SYT2: variants seen among roughly 807,000 people sequenced by gnomAD.
SYT2 encodes synaptotagmin 2.
Under a neutral mutation model 39.9 loss-of-function variants are expected in SYT2, and 15 were observed. That is an observed-to-expected ratio of 0.38 (90% confidence interval 0.25 to 0.58). SYT2 has a LOEUF of 0.58. Among genes scored for constraint, SYT2 ranks in the 20% least tolerant of loss-of-function variants. The pLI, the probability that SYT2 is intolerant of heterozygous loss-of-function variation, is 0.70. For missense variants in SYT2, 389 were observed against 530.3 expected (o/e 0.73, Z 2.62); for synonymous variants, 181 against 204.5 (o/e 0.89, Z 0.98).
Position 202,662,224 on chromosome 1 carries a change from T to G in SYT2, c.-18+48034A>C, listed in dbSNP as rs547748489. On this transcript the variant is annotated intron_variant, in intron 1 of 8. Coordinates refer to ENST00000367268, the MANE Select transcript of SYT2 (RefSeq NM_177402.5). ...AAAGACCAGGAAGCGGCAAGAGGCA[T>G]AGTGTATGCGAGTTGGCGGCAGAAT... Among the ~76,000 whole-genome samples the G allele has an allele frequency of 3.1e-4, 47 of 152,300 alleles. 1 individual carries two copies. The highest frequency in any genetic ancestry group is 7.8e-4 in the Admixed American group (12 of 15,302).
intron 1 of SYT2, among the ~76,000 whole-genome samples, chr1:202,684,219 C>A (rs941333640): frequency 2.6e-5 from 4 of 152,154 alleles, no homozygotes; most frequent in African/African-American, 9.7e-5. Flanking sequence ...GTATGATTAA[C>A]TGTAGTCTTC....
At chr1:202,602,942 C>T (rs1690565094) in intron 4 of SYT2, 57 bp downstream of exon 4, 2 of 1,587,192 alleles carry the variant, frequency 1.3e-6, no homozygotes, top group Non-Finnish European at 8.6e-7. Context: ...CCCCCTTCCA[C>T]CCAACTCCCA....
At chr1:202,691,928 T>A (rs1653847102) in intron 1 of SYT2, among the ~76,000 whole-genome samples, 1 of 151,988 alleles carries the variant, frequency 6.6e-6, no homozygotes, top group Admixed American at 6.5e-5. Flanking sequence ...GCTACAGGCA[T>A]ACAAGGACAC....
At chr1:202,609,849 T>C (rs1441840908) in intron 1 of SYT2, among the ~76,000 whole-genome samples, 1 of 152,228 alleles carries the variant, frequency 6.6e-6, no homozygotes, top group African/African-American at 2.4e-5. Context: ...CTGTTCACTC[T>C]GATGGTAGTG....
rs558650839 is a variant in SYT2, at chr1:202,622,061, C to A, written c.-17-16272G>T. 7.1e-4 allele frequency among the ~76,000 whole-genome samples: 108 copies of A among 152,332 alleles called. 2 individuals are homozygous for A. Among genetic ancestry groups the A allele is most frequent in the African/African-American group, 2.5e-3 (105 of 41,566 alleles). ...CTTGATTAATGCAGATAATGGAGAG[C>A]TGACTGGATACAGCTTACAGTATTT... On this transcript the variant is annotated intron_variant, in intron 1 of 8. Coordinates refer to ENST00000367268, the MANE Select transcript of SYT2 (RefSeq NM_177402.5).
In SYT2 at chr1:202,602,984, C is replaced by CA; in HGVS notation, c.465+14dup. On this transcript the variant is annotated intron_variant, in intron 4 of 8. Coordinates refer to ENST00000367268, the MANE Select transcript of SYT2 (RefSeq NM_177402.5). ...TCCCCATTCCCCCACTCTGCCCCCCCACAGCCCTGCATACCTGATTAGCCT... is the reference window on the plus strand; with the variant it reads ...TCCCCATTCCCCCACTCTGCCCCCCCAACAGCCCTGCATACCTGATTAGCCT... 1 of 1,571,972 alleles carries CA rather than the reference C, an allele frequency of 6.4e-7. No individual in the cohort carries two copies. The highest frequency in any genetic ancestry group is 8.6e-7 in the Non-Finnish European group (1 of 1,158,778).
At chr1:202,645,814 G>A (rs1692069537) in intron 1 of SYT2, among the ~76,000 whole-genome samples, 1 of 152,204 alleles carries the variant, frequency 6.6e-6, no homozygotes, top group Non-Finnish European at 1.5e-5. Context: ...CCAAAATGGG[G>A]GAGGATGGGA....
rs188978468 is a variant in SYT2 at position 202,641,725 on chromosome 1, T to C, written c.-17-35936A>G. Among the ~76,000 whole-genome samples, 668 of 152,352 alleles carry C rather than the reference T, an allele frequency of 4.4e-3. 5 individuals are homozygous for C. Among genetic ancestry groups the C allele is most frequent in the African/African-American group, 0.016 (646 of 41,576 alleles). On this transcript the variant is annotated intron_variant, in intron 1 of 8. Transcript: ENST00000367268. ...TCCTTCAGATCTTCCTTATCTGAGA[T>C]GAATGCAGCCCTGTCTGGAGGTAGA... is the stretch of plus-strand genomic sequence containing the variant.
intron 1 of SYT2, among the ~76,000 whole-genome samples, chr1:202,680,165 T>G (rs565534700): frequency 6.6e-6 from 1 of 152,338 alleles, no homozygotes; most frequent in South Asian, 2.1e-4. Flanking sequence ...TGCACTTAGT[T>G]GGGCCTCCAT....
chr1:202,658,331 T>G (rs1307872337), intron 1 of SYT2, among the ~76,000 whole-genome samples: 3 of 151,694 alleles, frequency 2.0e-5, no homozygotes, highest in Admixed American at 6.6e-5. Flanking sequence ...ATAACCAGAG[T>G]GTGCGGCAAG....
At chr1:202,694,449 G>T (rs1370982856) in intron 1 of SYT2, among the ~76,000 whole-genome samples, 1 of 152,194 alleles carries the variant, frequency 6.6e-6, no homozygotes, top group African/African-American at 2.4e-5. Flanking sequence ...TTTAGTAGGC[G>T]ATGCACAGAA....
chr1:202,667,246 C>T (rs1024874484), intron 1 of SYT2, among the ~76,000 whole-genome samples: 1 of 152,086 alleles, frequency 6.6e-6, no homozygotes, highest in Non-Finnish European at 1.5e-5. Flanking sequence ...GAATCTGGGG[C>T]CTTCTATTAA....
intron 1 of SYT2, among the ~76,000 whole-genome samples, chr1:202,674,487 T>G (rs558619242): frequency 1.3e-5 from 2 of 152,348 alleles, no homozygotes; most frequent in African/African-American, 2.4e-5. Context: ...TGTGAAAGTC[T>G]GTGTAATATG....
At chr1:202,669,453 C>T (rs1375650522) in intron 1 of SYT2, among the ~76,000 whole-genome samples, 1 of 152,012 alleles carries the variant, frequency 6.6e-6, no homozygotes, top group Non-Finnish European at 1.5e-5. Flanking sequence ...AGTTCAAGAC[C>T]AGTCTGGCCA....
intron 1 of SYT2, among the ~76,000 whole-genome samples, chr1:202,649,103 A>C (rs988039122): frequency 1.3e-5 from 2 of 152,254 alleles, no homozygotes; most frequent in African/African-American, 2.4e-5. Flanking sequence ...CAGAAGATTG[A>C]AAGCCTTGAC....
At position 202,623,279 on chromosome 1, in the gene SYT2, T is replaced by C. The variant is rs1288872246; in HGVS notation, c.-17-17490A>G. On this transcript the variant is annotated intron_variant, in intron 1 of 8. Coordinates refer to ENST00000367268, the MANE Select transcript of SYT2 (RefSeq NM_177402.5). The surrounding 1 kb of genome is among the most constrained non-coding windows in gnomAD (Gnocchi z 4.2). Reference sequence around the variant, plus strand: ...GTTAATACTGCAGCACGGCGCACTCTAGCCAAGACGGAGAAGCTGCTGAGT... The same window carrying C: ...GTTAATACTGCAGCACGGCGCACTCCAGCCAAGACGGAGAAGCTGCTGAGT... Among the ~76,000 whole-genome samples the C allele has an allele frequency of 6.6e-6, 1 of 152,236 alleles. No individual in the cohort carries two copies. Among genetic ancestry groups the C allele is most frequent in the African/African-American group, 2.4e-5 (1 of 41,466 alleles).
chr1:202,602,227 C>T (rs1459977055), intron 5 of SYT2, 151 bp downstream of exon 5: 17 of 1,129,574 alleles, frequency 1.5e-5, no homozygotes, highest in Middle Eastern at 3.0e-4. Flanking sequence ...GGAGGGATCC[C>T]GATCCTCCAT....
chr1:202,656,364 T>C (rs910103455), intron 1 of SYT2, among the ~76,000 whole-genome samples: 33 of 152,294 alleles, frequency 2.2e-4, no homozygotes, highest in Non-Finnish European at 4.0e-4. Context: ...TCTTCTTGAT[T>C]TTAGACTCAG....
rs745806917 is a variant in SYT2 at position 202,604,518 on chromosome 1, GTTC to G, written c.279_281del (p.Lys93del). On this transcript the variant is annotated inframe_deletion, in exon 3 of 9. Transcript: ENST00000367268. The stretch of plus-strand genomic sequence containing the variant: ...TCATGCCTTTGCCCTTCTCCTTCTT[GTTC>G]TTCTTCTTCTTGCAGCAGCATTTCT... 4.3e-5 allele frequency: 69 copies of G among 1,613,850 alleles called. No homozygotes were observed. The highest frequency in any genetic ancestry group is 1.7e-4 in the African/African-American group (13 of 74,976).
Sources: allele counts gnomAD v4.1 joint callset (sites outside exome capture counted in the v4.1 genomes callset), GRCh38; gene constraint gnomAD v4.1.1; non-coding constraint Gnocchi (gnomAD v3.1); transcripts MANE v1.5; gene names NCBI Gene and HGNC (gene_info 2026-07-23, HGNC 2026-07-21).